The following RTN1 variants were observed in gnomAD, a reference collection of about 807,000 sequenced individuals.
RTN1 encodes reticulon-1.
A neutral mutation model predicts 65.5 loss-of-function variants in RTN1; 25 were observed. The observed-to-expected ratio is 0.38, with a 90% CI of 0.28 to 0.53. The LOEUF (loss-of-function observed/expected upper bound fraction) is 0.53. Ranked by LOEUF, RTN1 falls within the 20% of genes least tolerant of loss-of-function variation. The probability of loss-of-function intolerance (pLI) is 0.79; values close to 1 mark genes in which losing one functional copy is unlikely to be tolerated. For synonymous variants in RTN1, 471 were observed against 447.6 expected (o/e 1.05, Z -0.66); for missense variants, 983 against 1,025.4 (o/e 0.96, Z 0.57).
chr14:59,860,912 GCCTGTAC>G (rs1343775963), intron 1 of RTN1, among the ~76,000 whole-genome samples: 2 of 152,134 alleles, frequency 1.3e-5, no homozygotes, highest in African/African-American at 4.8e-5. Context: ...TTTACCCAAT[GCCTGTAC>G]CCCCACTGTA....
chr14:59,805,587 C>T (rs1428887160), intron 1 of RTN1, among the ~76,000 whole-genome samples: 1 of 152,174 alleles, frequency 6.6e-6, no homozygotes, highest in African/African-American at 2.4e-5. Context: ...TAATTACACA[C>T]ATAAAACAAA....
intron 1 of RTN1, among the ~76,000 whole-genome samples, chr14:59,832,926 C>T (rs758336847): frequency 5.9e-5 from 9 of 152,178 alleles, no homozygotes; most frequent in Non-Finnish European, 1.2e-4. Flanking sequence ...TCCCTCAGTG[C>T]CCTGTATTAT....
chr14:59,669,072 A>G (rs934786043), intron 3 of RTN1, among the ~76,000 whole-genome samples: 1 of 152,160 alleles, frequency 6.6e-6, no homozygotes, highest in Admixed American at 6.5e-5. Flanking sequence ...CTAGAACTAG[A>G]ATTACCATTT....
At chr14:59,838,976 T>C (rs996425393) in intron 1 of RTN1, among the ~76,000 whole-genome samples, 1 of 152,116 alleles carries the variant, frequency 6.6e-6, no homozygotes, top group African/African-American at 2.4e-5. Context: ...TTCTGCTGAC[T>C]CTCCAGTATA....
At chr14:59,605,839 C>T (rs1375301857) in intron 4 of RTN1, 1 of 201,548 alleles carries the variant, frequency 5.0e-6, no homozygotes, top group Non-Finnish European at 9.9e-6. Flanking sequence ...GAATTCTCCA[C>T]ACATGACTTC....
intron 3 of RTN1, among the ~76,000 whole-genome samples, chr14:59,630,108 C>T (rs1211327830): frequency 6.6e-6 from 1 of 151,964 alleles, no homozygotes; most frequent in Admixed American, 6.6e-5. Flanking sequence ...TAAGAAAGCA[C>T]TTTAACTCCG....
At chr14:59,855,305 T>C (rs1205420816) in intron 1 of RTN1, among the ~76,000 whole-genome samples, 2 of 152,248 alleles carry the variant, frequency 1.3e-5, no homozygotes, top group Non-Finnish European at 2.9e-5. Context: ...TAACATTTTC[T>C]TCTTTCCTCT....
At chr14:59,724,552 T>C (rs1289320664) in intron 3 of RTN1, among the ~76,000 whole-genome samples, 2 of 152,158 alleles carry the variant, frequency 1.3e-5, no homozygotes, top group Non-Finnish European at 2.9e-5. Context: ...ACAAACCTGC[T>C]GTCCACAAAC....
chr14:59,750,159 T>TATATATTATCTATAATATATAATAC (rs1885431060), intron 1 of RTN1, among the ~76,000 whole-genome samples: 1 of 46,104 alleles, frequency 2.2e-5, no homozygotes, highest in Non-Finnish European at 3.4e-5. Context: ...TTATAGATAA[T>TATATATTATCTATAATATATAATAC]ATATATTATA....
intron 1 of RTN1, among the ~76,000 whole-genome samples, chr14:59,749,444 C>A (rs1480230467): frequency 1.1e-4 from 10 of 94,162 alleles, no homozygotes; most frequent in East Asian, 2.9e-4. Flanking sequence ...ATATCTATAT[C>A]TATATATATC....
intron 1 of RTN1, among the ~76,000 whole-genome samples, chr14:59,748,538 G>A (rs991094854): frequency 6.6e-6 from 1 of 151,896 alleles, no homozygotes; most frequent in African/African-American, 2.4e-5. Context: ...CCCCACTCCT[G>A]GCAATCCTAT....
intron 1 of RTN1, among the ~76,000 whole-genome samples, chr14:59,761,559 C>T (rs910389746): frequency 2.6e-5 from 4 of 152,162 alleles, no homozygotes; most frequent in Admixed American, 1.3e-4. Flanking sequence ...TCCTTATTAG[C>T]AGCCAGAGAA....
Position 59,870,393 on chromosome 14 carries a change from TG to T in RTN1, c.237del (p.Thr80GlnfsTer77). ...GGGGCAGCGGCGCCCGCCTTACCTG[TG>T]GATGCAGTTTCCATGGCAACGGGCG... Reference protein sequence around the residue: ...RQSPVAMETASTGVAGVSSAM... With the variant: ...RQSPVAMETAXTGVAGVSSAM... On this transcript the variant is annotated frameshift_variant, in exon 1 of 9. Transcript: ENST00000267484. LOFTEE classifies it high-confidence loss of function. The surrounding 1 kb of genome is among the most constrained non-coding windows in gnomAD (Gnocchi z 5.1). The T allele has an allele frequency of 6.6e-7, 1 of 1,522,358 alleles. No individual in the cohort carries two copies. The highest frequency in any genetic ancestry group is 1.2e-5 in the South Asian group (1 of 81,866). The allele number at this position is 1,522,358 out of a possible 1,614,324, so 94.3% of individuals were successfully genotyped here. A position where few individuals can be genotyped will look rare whatever the true frequency, so the allele number is the denominator to read the frequency against.
intron 1 of RTN1, among the ~76,000 whole-genome samples, chr14:59,750,653 ATAATATATAATATATATATTATATC>A (rs1885495071): frequency 2.4e-5 from 1 of 42,094 alleles, no homozygotes; most frequent in Non-Finnish European, 3.8e-5. Context: ...TATTATATCT[ATAATATATAATATATATATTATATC>A]TATAATATAT....
chr14:59,641,599 G>A (rs796983725), intron 3 of RTN1, among the ~76,000 whole-genome samples: 2 of 152,238 alleles, frequency 1.3e-5, no homozygotes, highest in African/African-American at 4.8e-5. Flanking sequence ...TTGAACTCCC[G>A]ACCTCAGGTG....
chr14:59,804,451 G>T (rs1429649402), intron 1 of RTN1, among the ~76,000 whole-genome samples: 1 of 152,062 alleles, frequency 6.6e-6, no homozygotes, highest in Non-Finnish European at 1.5e-5. Flanking sequence ...AACCCTTAAT[G>T]CCACAGTGAT....
intron 1 of RTN1, among the ~76,000 whole-genome samples, chr14:59,767,637 G>A (rs1171769223): frequency 6.6e-6 from 1 of 152,196 alleles, no homozygotes; most frequent in Non-Finnish European, 1.5e-5. Flanking sequence ...AGCTATCAGT[G>A]GAGAGGGGTG....
intron 1 of RTN1, among the ~76,000 whole-genome samples, chr14:59,746,822 C>A (rs1236432520): frequency 3.9e-5 from 6 of 152,226 alleles, no homozygotes; most frequent in African/African-American, 1.4e-4. Flanking sequence ...TAAAAAGAAA[C>A]CCTCTTTGTA....
chr14:59,663,587 A>G (rs546006413), intron 3 of RTN1, among the ~76,000 whole-genome samples: 133 of 152,268 alleles, frequency 8.7e-4, no homozygotes, highest in African/African-American at 3.0e-3. Flanking sequence ...TGTCCATCTC[A>G]TAAAGGGCTA....
Sources: allele counts gnomAD v4.1 joint callset (sites outside exome capture counted in the v4.1 genomes callset), GRCh38; gene constraint gnomAD v4.1.1; non-coding constraint Gnocchi (gnomAD v3.1); transcripts MANE v1.5; gene names NCBI Gene and HGNC (gene_info 2026-07-23, HGNC 2026-07-21).